Variants in BZW1 observed in about 807,000 individuals in gnomAD.
BZW1 encodes the protein eIF5-mimic protein 2.
A neutral mutation model predicts 54.1 loss-of-function variants in BZW1; 3 were observed. That is an observed-to-expected ratio of 0.06 (90% CI 0.03 to 0.14). The LOEUF (loss-of-function observed/expected upper bound fraction) is 0.14. Ranked by LOEUF, BZW1 falls within the 10% of genes least tolerant of loss-of-function variation. The probability of loss-of-function intolerance (pLI) is 1.00; values close to 1 mark genes in which losing one functional copy is unlikely to be tolerated. For synonymous variants in BZW1, 152 were observed against 162.7 expected (o/e 0.93, Z 0.50); for missense variants, 206 against 491.7 (o/e 0.42, Z 5.50).
At chr2:200,820,696 T>C (rs1237714205) in intron 10 of BZW1, among the ~76,000 whole-genome samples, 1 of 150,738 alleles carries the variant, frequency 6.6e-6, no homozygotes, top group Non-Finnish European at 1.5e-5. Context: ...AAAAAAAAAA[T>C]CCCCAAGTCC....
intron 9 of BZW1, chr2:200,819,250 C>T (rs563806742): frequency 6.8e-4 from 151 of 221,052 alleles, no homozygotes; most frequent in Middle Eastern, 1.6e-3. Flanking sequence ...AATAGCCAGT[C>T]GTGGTGGCGC....
chr2:200,816,177 A>G, intron 4 of BZW1, 148 bp from the exon 5 acceptor site: 1 of 502,900 alleles, frequency 2.0e-6, no homozygotes, highest in Non-Finnish European at 3.5e-6. Context: ...GAATTAAAGT[A>G]CATCTAACCT....
intron 10 of BZW1, among the ~76,000 whole-genome samples, chr2:200,820,442 G>T (rs529591832): frequency 6.6e-6 from 1 of 152,210 alleles, no homozygotes; most frequent in Non-Finnish European, 1.5e-5. Flanking sequence ...CACTTTGGGA[G>T]CCTGAGGCTG....
In BZW1 at chr2:200,826,301, T is replaced by C. The variant is rs2038686948; in HGVS notation, c.*4123T>C. 1 of 151,922 alleles carries C rather than the reference T, an allele frequency of 6.6e-6. No individual in the cohort carries two copies. Among genetic ancestry groups the C allele is most frequent in the Non-Finnish European group, 1.5e-5 (1 of 68,012 alleles). 9.4% of individuals were successfully genotyped at this position (151,922 alleles called of 1,614,324 possible). A position where few individuals can be genotyped will look rare whatever the true frequency, so the allele number is the denominator to read the frequency against. On this transcript the variant is annotated 3_prime_UTR_variant, in exon 12 of 12. Coordinates refer to ENST00000409600, the MANE Select transcript of BZW1 (RefSeq NM_001207067.2). ...AAATCTAATTATTTTTATTTTCCAG[T>C]GTACTTATCATCCTTTCATCTTTAT... is the stretch of plus-strand genomic sequence containing the variant.
At position 200,825,065 on chromosome 2, in the gene BZW1, A is replaced by C. The variant is rs1013377066; in HGVS notation, c.*2887A>C. On this transcript the variant is annotated 3_prime_UTR_variant, in exon 12 of 12. Coordinates refer to ENST00000409600, the MANE Select transcript of BZW1 (RefSeq NM_001207067.2). ...GTGCTTTGTACATGAAAAGAGTAAA[A>C]TGTTTTTGTTTTTGTTTTGGAGACA... 5 of 151,744 alleles carry C rather than the reference A, an allele frequency of 3.3e-5. No individual in the cohort carries two copies. The highest frequency in any genetic ancestry group is 1.2e-4 in the African/African-American group (5 of 41,248). The allele number at this position is 151,744 out of a possible 1,614,324, so 9.4% of individuals were successfully genotyped here.
chr2:200,819,830 C>T (rs1459635419), intron 9 of BZW1, among the ~76,000 whole-genome samples, 152 bp from the exon 10 acceptor site: 2 of 152,076 alleles, frequency 1.3e-5, no homozygotes, highest in African/African-American at 4.8e-5. Context: ...GCCACTGTGC[C>T]CAGCCTATTT....
At chr2:200,816,270 CT>C in intron 4 of BZW1, 54 bp from the exon 5 acceptor site, 1 of 1,326,862 alleles carries the variant, frequency 7.5e-7, no homozygotes. Context: ...AGGTTTACTA[CT>C]TTGCTATTCT....
At position 200,811,961 on chromosome 2, in the gene BZW1, T is replaced by G. The variant is rs2038079757; in HGVS notation, c.-40T>G. The G allele has an allele frequency of 3.1e-6, 1 of 321,562 alleles. No homozygotes were observed. Among genetic ancestry groups the G allele is most frequent in the Non-Finnish European group, 5.6e-6 (1 of 177,306 alleles). 19.9% of individuals were successfully genotyped at this position (321,562 alleles called of 1,614,324 possible). A position where few individuals can be genotyped will look rare whatever the true frequency, so the allele number is the denominator to read the frequency against. Reference sequence around the variant, plus strand: ...CGCAGTTGCCGGTACATCGGGGATTTCTGGCTCTTTCCTCTTCGCCTTAAA... The same window carrying G: ...CGCAGTTGCCGGTACATCGGGGATTGCTGGCTCTTTCCTCTTCGCCTTAAA... On this transcript the variant is annotated 5_prime_UTR_variant, in exon 1 of 12. Coordinates refer to ENST00000409600, the MANE Select transcript of BZW1 (RefSeq NM_001207067.2).
Position 200,825,805 on chromosome 2 carries a change from AAATGT to A in BZW1, c.*3634_*3638del, listed in dbSNP as rs1296996711. 1 of 152,246 alleles carries A rather than the reference AAATGT, an allele frequency of 6.6e-6. No individual in the cohort carries two copies. Among genetic ancestry groups the A allele is most frequent in the African/African-American group, 2.4e-5 (1 of 41,472 alleles). The allele number at this position is 152,246 out of a possible 1,614,324, so 9.4% of individuals were successfully genotyped here. A position where few individuals can be genotyped will look rare whatever the true frequency, so the allele number is the denominator to read the frequency against. ...GAACTGACAACTATTGGTTGGCTTTAAATGTAATGTAGATGCCAAAGTTTTAGTGT... is the reference window on the plus strand; with the variant it reads ...GAACTGACAACTATTGGTTGGCTTTAAATGTAGATGCCAAAGTTTTAGTGT... On this transcript the variant is annotated 3_prime_UTR_variant, in exon 12 of 12. Transcript: ENST00000409600.
chr2:200,812,784 C>G (rs1026452746), intron 1 of BZW1: 2 of 703,056 alleles, frequency 2.8e-6, no homozygotes, highest in Non-Finnish European at 5.3e-6. Flanking sequence ...AGGGGTTCAC[C>G]TTTTGACAGT....
Position 200,826,891 on chromosome 2 carries a change from C to G in BZW1, c.*4713C>G, listed in dbSNP as rs2038715781. On this transcript the variant is annotated 3_prime_UTR_variant, in exon 12 of 12. Transcript: ENST00000409600. ...TTTAAAAATACCTTGGCAAAACAAG[C>G]TAGGAGCTAGTTCATGCTAATATTC... 6.6e-6 allele frequency: 1 copy of G among 151,600 alleles called. No homozygotes were observed. The highest frequency in any genetic ancestry group is 2.4e-5 in the African/African-American group (1 of 41,286). 9.4% of individuals were successfully genotyped at this position (151,600 alleles called of 1,614,324 possible). A position where few individuals can be genotyped will look rare whatever the true frequency, so the allele number is the denominator to read the frequency against.
In BZW1 at chr2:200,823,713, TAA is replaced by T. The variant is rs1199092908; in HGVS notation, c.*1537_*1538del. 1 of 152,366 alleles carries T rather than the reference TAA, an allele frequency of 6.6e-6. No homozygotes were observed. Among genetic ancestry groups the T allele is most frequent in the Admixed American group, 6.6e-5 (1 of 15,248 alleles). The allele number at this position is 152,366 out of a possible 1,614,324, so 9.4% of individuals were successfully genotyped here. ...AATTTGTTAAAATGAGTAACTTTGA[TAA>T]AGTTTTTCATGCACAGGCAAAATGT... is the stretch of plus-strand genomic sequence containing the variant. On this transcript the variant is annotated 3_prime_UTR_variant, in exon 12 of 12. Transcript: ENST00000409600.
At chr2:200,817,910 A>G in intron 6 of BZW1, 64 bp from the exon 7 acceptor site, 1 of 1,127,752 alleles carries the variant, frequency 8.9e-7, no homozygotes, top group Admixed American at 2.2e-5. Flanking sequence ...GGAAGGATAT[A>G]GGGGGACACA....
chr2:200,821,086 G>T, intron 10 of BZW1, 97 bp from the exon 11 acceptor site: 1 of 1,431,884 alleles, frequency 7.0e-7, no homozygotes, highest in East Asian at 2.3e-5. Flanking sequence ...CTTTTCAGCA[G>T]TTTGTTTGCT....
intron 10 of BZW1, 92 bp downstream of exon 10, chr2:200,820,212 T>A (rs760155490): frequency 4.4e-5 from 52 of 1,173,214 alleles, no homozygotes; most frequent in Non-Finnish European, 5.7e-5. Context: ...GGACATCAGC[T>A]CCCTGAAATA....
In BZW1 at chr2:200,812,417, G is replaced by T; in HGVS notation, c.-11+427G>T. ...GCTGGAGGGCGGGCGGATGTACGGG[G>T]CGCCTGGGGCCCCGGCGCAAAGCGC... On this transcript the variant is annotated intron_variant, in intron 1 of 11. Transcript: ENST00000409600. 7.8e-7 allele frequency: 1 copy of T among 1,280,326 alleles called. No individual in the cohort carries two copies. Among genetic ancestry groups the T allele is most frequent in the South Asian group, 2.6e-5 (1 of 38,796 alleles). The allele number at this position is 1,280,326 out of a possible 1,614,324, so 79.3% of individuals were successfully genotyped here.
At chr2:200,818,674 TG>T in intron 8 of BZW1, 80 bp from the exon 9 acceptor site, 1 of 1,453,762 alleles carries the variant, frequency 6.9e-7, no homozygotes, top group Non-Finnish European at 9.2e-7. Context: ...TGTTAGTTTT[TG>T]TTAAAGGTCT....
rs963695859 is a variant in BZW1 at position 200,826,603 on chromosome 2, TACTCAATC to T, written c.*4429_*4436del. The T allele has an allele frequency of 6.6e-6, 1 of 150,880 alleles. No homozygotes were observed. Among genetic ancestry groups the T allele is most frequent in the Non-Finnish European group, 1.5e-5 (1 of 67,608 alleles). The allele number at this position is 150,880 out of a possible 1,614,324, so 9.3% of individuals were successfully genotyped here. A position where few individuals can be genotyped will look rare whatever the true frequency, so the allele number is the denominator to read the frequency against. ...AGCCCGGCTAAGGTATTTTTAAATG[TACTCAATC>T]ACTGTCATTTTAGTAACCTTGAATC... On this transcript the variant is annotated 3_prime_UTR_variant, in exon 12 of 12. Transcript: ENST00000409600.
At chr2:200,816,420 G>A in intron 5 of BZW1, 30 bp downstream of exon 5, 1 of 1,412,864 alleles carries the variant, frequency 7.1e-7, no homozygotes, top group Middle Eastern at 1.8e-4. Context: ...TTGTGGAAAA[G>A]AAAAAAATAG....
Sources: gnomAD v4.1 joint callset for allele counts (sites outside exome capture counted in the v4.1 genomes callset) on GRCh38, gnomAD v4.1.1 for gene constraint, MANE v1.5 for transcripts, NCBI Gene and HGNC (gene_info 2026-07-23, HGNC 2026-07-21) for gene names.